Variants in SLC38A12 observed in about 807,000 individuals in gnomAD.
SLC38A12 encodes the protein solute carrier family 38 member 12.
the SLC38A12 span, chr17:74,795,714 A>T: frequency 1.8e-6 from 2 of 1,092,178 alleles, no homozygotes; most frequent in South Asian, 2.7e-5. Flanking sequence ...ACTTCCAGGT[A>T]GAATCCTTTC....
chr17:74,805,452 T>C, the SLC38A12 span, among the ~76,000 whole-genome samples: 6 of 152,162 alleles, frequency 3.9e-5, no homozygotes, highest in African/African-American at 1.4e-4. The surrounding 1 kb of genome is among the most constrained non-coding windows in gnomAD (Gnocchi z 5.0). Context: ...AAGCTGCTGG[T>C]TGGGGGCTCT....
chr17:74,827,141 T>C, the SLC38A12 span, among the ~76,000 whole-genome samples: 1 of 151,980 alleles, frequency 6.6e-6, no homozygotes, highest in Non-Finnish European at 1.5e-5. The surrounding 1 kb of genome is among the most constrained non-coding windows in gnomAD (Gnocchi z 4.7). Flanking sequence ...CACAGTTTTT[T>C]CTGCTTGCCT....
chr17:74,826,047 C>G, the SLC38A12 span, among the ~76,000 whole-genome samples: 22 of 152,336 alleles, frequency 1.4e-4, no homozygotes, highest in South Asian at 4.6e-3. Context: ...GTGACAGCGC[C>G]TGAAATTTTA....
At chr17:74,788,595 C>T in the SLC38A12 span, among the ~76,000 whole-genome samples, 291 of 152,362 alleles carry the variant, frequency 1.9e-3, no homozygotes, top group Non-Finnish European at 2.6e-3. Flanking sequence ...ACCGGAAATA[C>T]GTTCTCACTA....
chr17:74,805,901 C>T, the SLC38A12 span, among the ~76,000 whole-genome samples: 1 of 152,234 alleles, frequency 6.6e-6, no homozygotes, highest in Non-Finnish European at 1.5e-5. This position sits in a 1 kb window ranked among gnomAD's most constrained non-coding sequence, Gnocchi z 5.0. Context: ...AGGGCGATGG[C>T]ACTGCCTCCT....
chr17:74,838,248 C>G, the SLC38A12 span: 1 of 985,760 alleles, frequency 1.0e-6, no homozygotes, highest in South Asian at 4.7e-5. Flanking sequence ...ACTTTCCATC[C>G]ACGGGAAAAA....
chr17:74,805,495 G>A, the SLC38A12 span, among the ~76,000 whole-genome samples: 1 of 152,192 alleles, frequency 6.6e-6, no homozygotes, highest in South Asian at 2.1e-4. The surrounding 1 kb of genome is among the most constrained non-coding windows in gnomAD (Gnocchi z 5.0). Context: ...CCCGGAGAGG[G>A]CATCTCACTC....
chr17:74,836,381 G>A, the SLC38A12 span: 1 of 1,611,876 alleles, frequency 6.2e-7, no homozygotes, highest in Non-Finnish European at 8.5e-7. The surrounding 1 kb of genome is among the most constrained non-coding windows in gnomAD (Gnocchi z 4.2). Context: ...CGTGGGTGGT[G>A]GACCGCGTCG....
the SLC38A12 span, among the ~76,000 whole-genome samples, chr17:74,813,573 T>G: frequency 6.6e-6 from 1 of 152,144 alleles, no homozygotes; most frequent in Non-Finnish European, 1.5e-5. Flanking sequence ...TACCACAACC[T>G]CACTACAACC....
the SLC38A12 span, among the ~76,000 whole-genome samples, chr17:74,831,129 C>T: frequency 1.3e-5 from 2 of 152,076 alleles, no homozygotes; most frequent in African/African-American, 4.8e-5. Context: ...CTCTGGGACC[C>T]CCACCACGTG....
chr17:74,795,043 C>T, the SLC38A12 span: 22 of 1,613,968 alleles, frequency 1.4e-5, no homozygotes, highest in Middle Eastern at 1.6e-4. Context: ...TCTGCATCAT[C>T]GTTTACCTGT....
chr17:74,829,517 C>T, the SLC38A12 span, among the ~76,000 whole-genome samples: 3 of 152,182 alleles, frequency 2.0e-5, no homozygotes, highest in Non-Finnish European at 2.9e-5. The surrounding 1 kb of genome is among the most constrained non-coding windows in gnomAD (Gnocchi z 4.1). Flanking sequence ...AGATGCTTCT[C>T]GGTGCTTCTC....
the SLC38A12 span, among the ~76,000 whole-genome samples, chr17:74,830,018 G>C: frequency 3.3e-5 from 5 of 152,154 alleles, no homozygotes; most frequent in African/African-American, 1.2e-4. Flanking sequence ...TGGAAGGAAG[G>C]GGCTCGCTAC....
the SLC38A12 span, among the ~76,000 whole-genome samples, chr17:74,831,170 C>T: frequency 2.6e-5 from 4 of 152,210 alleles, no homozygotes; most frequent in African/African-American, 7.2e-5. Flanking sequence ...CCGCCTCCCG[C>T]GACGGGGATC....
the SLC38A12 span, among the ~76,000 whole-genome samples, chr17:74,806,795 C>G: frequency 6.6e-6 from 1 of 152,154 alleles, no homozygotes; most frequent in Non-Finnish European, 1.5e-5. Context: ...CTACCCCTGT[C>G]TATACTCCTA....
chr17:74,806,504 G>A, the SLC38A12 span, among the ~76,000 whole-genome samples: 1 of 152,154 alleles, frequency 6.6e-6, no homozygotes, highest in Non-Finnish European at 1.5e-5. Flanking sequence ...CGCCTGTAGT[G>A]CCCAGAGGAG....
chr17:74,784,396 T>A, the SLC38A12 span, among the ~76,000 whole-genome samples: 1 of 152,120 alleles, frequency 6.6e-6, no homozygotes, highest in African/African-American at 2.4e-5. Flanking sequence ...ATAAAATCAC[T>A]AGAACTGTGA....
chr17:74,802,211 C>T, the SLC38A12 span, among the ~76,000 whole-genome samples: 106 of 152,304 alleles, frequency 7.0e-4, no homozygotes, highest in Non-Finnish European at 1.2e-3. Context: ...CTCTCAGGGA[C>T]GTGGGTTCGG....
At chr17:74,837,326 G>A in the SLC38A12 span, 72 of 985,514 alleles carry the variant, frequency 7.3e-5, no homozygotes, top group African/African-American at 1.1e-3. Flanking sequence ...GAGGGCCCTC[G>A]CTGTGGGCGC....
Sources: allele counts gnomAD v4.1 joint callset (sites outside exome capture counted in the v4.1 genomes callset), GRCh38; gene constraint gnomAD v4.1.1; non-coding constraint Gnocchi (gnomAD v3.1); transcripts MANE v1.5; gene names NCBI Gene and HGNC (gene_info 2026-07-23, HGNC 2026-07-21).